CNTNAP2: variants seen among roughly 807,000 people sequenced by gnomAD.
CNTNAP2 encodes the protein contactin associated protein 2, also known as contactin-associated protein-like 2.
CNTNAP2 carries 98 observed loss-of-function variants against 155.2 expected under a neutral mutation model. The ratio of observed to expected loss-of-function variants is 0.63; its 90% CI spans 0.54 to 0.75. CNTNAP2 has a LOEUF of 0.75. CNTNAP2 is among the 30% of genes least tolerant of loss of function. The pLI, the probability that CNTNAP2 is intolerant of heterozygous loss-of-function variation, is 0.00. For synonymous variants in CNTNAP2, 651 were observed against 631.2 expected (o/e 1.03, Z -0.47); for missense variants, 1,727 against 1,688.1 (o/e 1.02, Z -0.40).
intron 1 of CNTNAP2, among the ~76,000 whole-genome samples, chr7:146,397,750 T>C (rs1231161362): frequency 1.6e-4 from 24 of 152,138 alleles, no homozygotes. Flanking sequence ...TAAGTAGGAA[T>C]AATCCATTGT....
At chr7:147,882,328 C>G (rs971558312) in intron 13 of CNTNAP2, among the ~76,000 whole-genome samples, 1 of 152,188 alleles carries the variant, frequency 6.6e-6, no homozygotes, top group Non-Finnish European at 1.5e-5. Context: ...TCACTGATCT[C>G]TATTTCACAG....
chr7:146,322,724 A>T (rs987823086), intron 1 of CNTNAP2, among the ~76,000 whole-genome samples: 2 of 140,306 alleles, frequency 1.4e-5, no homozygotes, highest in African/African-American at 2.6e-5. Context: ...ATGAAAGTAC[A>T]GTGGGGAAAG....
intron 15 of CNTNAP2, among the ~76,000 whole-genome samples, chr7:148,031,738 C>T (rs4726915): frequency 0.22 from 33,391 of 152,038 alleles, 4,741 homozygotes; most frequent in East Asian, 0.48. Flanking sequence ...AAGGTATTTC[C>T]ATGTGCCGAA....
At chr7:146,357,914 C>CT (rs1795023317) in intron 1 of CNTNAP2, among the ~76,000 whole-genome samples, 1 of 151,198 alleles carries the variant, frequency 6.6e-6, no homozygotes. Context: ...AGAATGCACC[C>CT]CGCCCCCCGC....
At chr7:146,998,752 G>T (rs79993009) in intron 3 of CNTNAP2, among the ~76,000 whole-genome samples, 35 of 151,648 alleles carry the variant, frequency 2.3e-4, no homozygotes, top group African/African-American at 7.7e-4. Context: ...TCATCTTATC[G>T]AATTGACTAC....
chr7:147,533,194 A>C (rs559996218), intron 11 of CNTNAP2, among the ~76,000 whole-genome samples: 1 of 152,330 alleles, frequency 6.6e-6, no homozygotes, highest in East Asian at 1.9e-4. Flanking sequence ...TTGATCTTAG[A>C]AAAAACTAAA....
At chr7:147,083,583 TATATAC>T (rs934042676) in intron 4 of CNTNAP2, among the ~76,000 whole-genome samples, 3 of 145,524 alleles carry the variant, frequency 2.1e-5, no homozygotes, top group African/African-American at 7.6e-5. Context: ...TATGTATATA[TATATAC>T]ACACACACGT....
At chr7:147,253,237 C>T (rs958080874) in intron 8 of CNTNAP2, among the ~76,000 whole-genome samples, 1 of 152,124 alleles carries the variant, frequency 6.6e-6, no homozygotes, top group Admixed American at 6.6e-5. Context: ...AGCATAGGCA[C>T]TGTGATTCAC....
intron 1 of CNTNAP2, among the ~76,000 whole-genome samples, chr7:146,311,146 C>T (rs1165032739): frequency 6.6e-6 from 1 of 152,136 alleles, no homozygotes; most frequent in Non-Finnish European, 1.5e-5. Flanking sequence ...GATAACAAAG[C>T]AATGACACCA....
intron 15 of CNTNAP2, among the ~76,000 whole-genome samples, chr7:148,111,304 A>C (rs998537460): frequency 6.6e-6 from 1 of 152,230 alleles, no homozygotes; most frequent in African/African-American, 2.4e-5. Context: ...AACTTTTGAT[A>C]ATTAAATTAA....
intron 22 of CNTNAP2, among the ~76,000 whole-genome samples, chr7:148,388,067 C>G (rs1799256712): frequency 1.3e-5 from 2 of 152,170 alleles, no homozygotes; most frequent in African/African-American, 4.8e-5. Context: ...AGCATATAAT[C>G]AAGAAATAAC....
chr7:146,799,306 G>A (rs1319054190), intron 2 of CNTNAP2, among the ~76,000 whole-genome samples: 1 of 152,080 alleles, frequency 6.6e-6, no homozygotes, highest in Non-Finnish European at 1.5e-5. Flanking sequence ...CATACTGAAA[G>A]ATTCTTGATT....
intron 2 of CNTNAP2, among the ~76,000 whole-genome samples, chr7:146,787,890 T>C (rs1802603974): frequency 6.6e-6 from 1 of 152,216 alleles, no homozygotes; most frequent in Admixed American, 6.5e-5. Flanking sequence ...AACCTTTAGC[T>C]AGACACAGAG....
chr7:146,986,894 G>GT (rs942453350), intron 3 of CNTNAP2, among the ~76,000 whole-genome samples: 2 of 151,700 alleles, frequency 1.3e-5, no homozygotes, highest in African/African-American at 4.8e-5. Context: ...TAATAAAATA[G>GT]TTTTTTTCTT....
At chr7:147,633,190 C>T (rs1795117984) in intron 12 of CNTNAP2, among the ~76,000 whole-genome samples, 1 of 152,214 alleles carries the variant, frequency 6.6e-6, no homozygotes, top group African/African-American at 2.4e-5. Flanking sequence ...CAAGGAACAG[C>T]TCAAGCCATT....
chr7:146,319,959 A>G (rs1800972680), intron 1 of CNTNAP2, among the ~76,000 whole-genome samples: 1 of 152,072 alleles, frequency 6.6e-6, no homozygotes, highest in Admixed American at 6.6e-5. Flanking sequence ...TTTCCTCTTA[A>G]TGTATTTCAT....
At chr7:146,578,617 G>C (rs1332433433) in intron 1 of CNTNAP2, among the ~76,000 whole-genome samples, 2 of 151,984 alleles carry the variant, frequency 1.3e-5, no homozygotes, top group East Asian at 3.9e-4. Context: ...ACTATAAGTT[G>C]GCATTTTCTA....
chr7:146,440,975 C>T (rs2129119431), intron 1 of CNTNAP2, among the ~76,000 whole-genome samples: 1 of 151,488 alleles, frequency 6.6e-6, no homozygotes, highest in Non-Finnish European at 1.5e-5. Flanking sequence ...ATTCTTGTTC[C>T]CACTGGACAT....
At chr7:147,608,799 C>G (rs1034044489) in intron 12 of CNTNAP2, among the ~76,000 whole-genome samples, 1 of 152,020 alleles carries the variant, frequency 6.6e-6, no homozygotes, top group Non-Finnish European at 1.5e-5. Context: ...CGGGCTGAGT[C>G]CGAAAAGAGA....
Sources: gnomAD v4.1 joint callset for allele counts (sites outside exome capture counted in the v4.1 genomes callset) on GRCh38, gnomAD v4.1.1 for gene constraint, MANE v1.5 for transcripts, NCBI Gene and HGNC (gene_info 2026-07-23, HGNC 2026-07-21) for gene names.